SPOCK3: variants seen among roughly 807,000 people sequenced by gnomAD.
SPOCK3 encodes SPARC (osteonectin), cwcv and kazal like domains proteoglycan 3.
A neutral mutation model predicts 56.6 loss-of-function variants in SPOCK3; 30 were observed. The ratio of observed to expected loss-of-function variants is 0.53; its 90% CI spans 0.40 to 0.72. The LOEUF is 0.72. Ranked by LOEUF, SPOCK3 falls within the 30% of genes least tolerant of loss-of-function variation. SPOCK3 has a pLI of 0.00. For synonymous variants in SPOCK3, 196 were observed against 183.3 expected, an observed-to-expected ratio of 1.07 and a Z score of -0.56; for missense variants, 527 against 530.0, an observed-to-expected ratio of 0.99 and a Z score of 0.06.
At chr4:167,061,923 T>C (rs1459534971) in intron 3 of SPOCK3, among the ~76,000 whole-genome samples, 1 of 151,922 alleles carries the variant, frequency 6.6e-6, no homozygotes, top group African/African-American at 2.4e-5. Context: ...ATTGCACATG[T>C]AGAAGTATTT....
intron 6 of SPOCK3, among the ~76,000 whole-genome samples, chr4:166,812,203 T>C (rs889664561): frequency 2.0e-5 from 3 of 151,894 alleles, no homozygotes; most frequent in Non-Finnish European, 4.4e-5. Context: ...ACCCAAATCA[T>C]AGTAATGCAC....
chr4:167,040,499 C>A (rs183848519), intron 3 of SPOCK3, among the ~76,000 whole-genome samples: 18 of 152,272 alleles, frequency 1.2e-4, no homozygotes, highest in Admixed American at 1.1e-3. Flanking sequence ...TAAGAAACTG[C>A]AAAATATTAC....
intron 2 of SPOCK3, among the ~76,000 whole-genome samples, chr4:167,169,728 AG>A (rs1730327203): frequency 7.2e-6 from 1 of 138,274 alleles, no homozygotes; most frequent in South Asian, 2.2e-4. Flanking sequence ...TTGAGGGTCC[AG>A]GGGAGGAATA....
At chr4:167,185,599 C>T (rs1485441918) in intron 2 of SPOCK3, among the ~76,000 whole-genome samples, 1 of 152,158 alleles carries the variant, frequency 6.6e-6, no homozygotes, top group Admixed American at 6.5e-5. Flanking sequence ...GTGGGTTCTA[C>T]TCCCACAAAT....
At chr4:167,120,155 C>G (rs188963109) in intron 2 of SPOCK3, among the ~76,000 whole-genome samples, 24 of 152,100 alleles carry the variant, frequency 1.6e-4, no homozygotes, top group Non-Finnish European at 2.7e-4. Flanking sequence ...ATGTGGTTGA[C>G]GAGTTAGACT....
At chr4:167,045,025 A>G (rs962836965) in intron 3 of SPOCK3, among the ~76,000 whole-genome samples, 49 of 152,144 alleles carry the variant, frequency 3.2e-4, no homozygotes, top group African/African-American at 1.2e-3. Flanking sequence ...TCTCCAGTAC[A>G]ATAGTGAATT....
At chr4:167,177,331 C>T (rs1430160270) in intron 2 of SPOCK3, among the ~76,000 whole-genome samples, 1 of 151,884 alleles carries the variant, frequency 6.6e-6, no homozygotes, top group South Asian at 2.1e-4. Flanking sequence ...GAGCACTTTC[C>T]ACACACTAAT....
chr4:167,064,747 GACTA>G (rs1440575566), intron 2 of SPOCK3, among the ~76,000 whole-genome samples: 1 of 151,732 alleles, frequency 6.6e-6, no homozygotes, highest in Non-Finnish European at 1.5e-5. Flanking sequence ...TGATGGCCTA[GACTA>G]TCCTCAGAGT....
intron 2 of SPOCK3, among the ~76,000 whole-genome samples, chr4:167,107,656 A>T (rs1446676602): frequency 2.6e-5 from 4 of 151,844 alleles, no homozygotes; most frequent in Admixed American, 1.3e-4. Flanking sequence ...TAAGGGAAAA[A>T]GTCAAATTCC....
intron 8 of SPOCK3, among the ~76,000 whole-genome samples, chr4:166,748,235 A>T (rs1233049122): frequency 7.3e-6 from 1 of 137,502 alleles, no homozygotes; most frequent in African/African-American, 3.1e-5. Flanking sequence ...ACTTCAAACT[A>T]TACTACAAGG....
chr4:166,963,608 T>C (rs781052925), intron 4 of SPOCK3, among the ~76,000 whole-genome samples: 3 of 151,994 alleles, frequency 2.0e-5, no homozygotes, highest in Non-Finnish European at 4.4e-5. Context: ...GCAAGATTCA[T>C]GTAAAACTGA....
chr4:167,132,606 C>CT (rs1408942953), intron 2 of SPOCK3, among the ~76,000 whole-genome samples: 1 of 152,166 alleles, frequency 6.6e-6, no homozygotes, highest in African/African-American at 2.4e-5. Context: ...TTACCAAAGG[C>CT]TAGGTGGCTT....
chr4:166,768,809 C>T (rs1000712218), intron 7 of SPOCK3, among the ~76,000 whole-genome samples: 2 of 152,222 alleles, frequency 1.3e-5, no homozygotes, highest in African/African-American at 4.8e-5. Flanking sequence ...TTCTCCCCAT[C>T]ACTTTCAGGT....
intron 2 of SPOCK3, among the ~76,000 whole-genome samples, chr4:167,226,441 G>A (rs1407137085): frequency 2.0e-5 from 3 of 152,098 alleles, no homozygotes; most frequent in African/African-American, 7.2e-5. Context: ...CAACTGACAG[G>A]CAATGATAAA....
intron 2 of SPOCK3, among the ~76,000 whole-genome samples, chr4:167,189,096 T>C (rs1732257560): frequency 6.9e-6 from 1 of 145,816 alleles, no homozygotes; most frequent in African/African-American, 2.6e-5. Flanking sequence ...GAAGTTAACC[T>C]CACCCCAAAA....
chr4:166,948,734 C>A (rs1242892601), intron 4 of SPOCK3, among the ~76,000 whole-genome samples: 1 of 152,112 alleles, frequency 6.6e-6, no homozygotes, highest in Non-Finnish European at 1.5e-5. Context: ...ATGGGCTTCC[C>A]TTTGTGGGTA....
At chr4:166,992,229 T>C (rs1452540722) in intron 4 of SPOCK3, among the ~76,000 whole-genome samples, 2 of 152,044 alleles carry the variant, frequency 1.3e-5, no homozygotes, top group Admixed American at 6.6e-5. Context: ...AACTGAGTGG[T>C]CTGCGGAGGA....
Position 166,979,694 on chromosome 4 carries a change from C to T in SPOCK3, c.350+20655G>A, listed in dbSNP as rs181465583. The stretch of plus-strand genomic sequence containing the variant: ...CTCTTTTGTAGACTCTTCCTCAATG[C>T]CTAACTCTAAAGAGTTTGAATTTCC... On this transcript the variant is annotated intron_variant, in intron 4 of 10. Coordinates refer to ENST00000357545, the MANE Select transcript of SPOCK3 (RefSeq NM_001040159.2). 6.3e-4 allele frequency among the ~76,000 whole-genome samples: 96 copies of T among 152,228 alleles called. 1 individual carries two copies. In the East Asian group the frequency reaches 0.016, roughly 26 times the overall value.
At chr4:166,991,619 C>G (rs2150112188) in intron 4 of SPOCK3, among the ~76,000 whole-genome samples, 1 of 152,218 alleles carries the variant, frequency 6.6e-6, no homozygotes, top group Admixed American at 6.5e-5. Flanking sequence ...ACCTGCCCAC[C>G]TCAGCCTCCC....
Sources: allele counts gnomAD v4.1 joint callset (sites outside exome capture counted in the v4.1 genomes callset), GRCh38; gene constraint gnomAD v4.1.1; transcripts MANE v1.5; gene names NCBI Gene and HGNC (gene_info 2026-07-23, HGNC 2026-07-21).